Variants in PLXNC1 observed in about 807,000 individuals in gnomAD.
The protein encoded by PLXNC1 is plexin C1.
A neutral mutation model predicts 178.2 loss-of-function variants in PLXNC1; 75 were observed. That is an observed-to-expected ratio of 0.42 (90% CI 0.35 to 0.51). The LOEUF (loss-of-function observed/expected upper bound fraction) is 0.51. PLXNC1 is among the 20% of genes least tolerant of loss of function. PLXNC1 has a pLI of 0.02. For missense variants in PLXNC1, 1,503 were observed against 1,984.4 expected, an observed-to-expected ratio of 0.76 and a Z score of 4.61; for synonymous variants, 790 against 779.9, an observed-to-expected ratio of 1.01 and a Z score of -0.22.
At chr12:94,153,546 GAA>G (rs1249964882) in intron 1 of PLXNC1, among the ~76,000 whole-genome samples, 3 of 152,220 alleles carry the variant, frequency 2.0e-5, no homozygotes, top group African/African-American at 7.2e-5. Flanking sequence ...GTGATACACA[GAA>G]AGTGTTTGTG....
At chr12:94,169,928 G>T (rs1427462422) in intron 2 of PLXNC1, among the ~76,000 whole-genome samples, 1 of 152,188 alleles carries the variant, frequency 6.6e-6, no homozygotes, top group African/African-American at 2.4e-5. Flanking sequence ...AGGGGAAGAG[G>T]GGAGGAGGAG....
intron 5 of PLXNC1, among the ~76,000 whole-genome samples, chr12:94,212,389 A>G (rs1415479576): frequency 6.6e-6 from 1 of 151,928 alleles, no homozygotes; most frequent in Non-Finnish European, 1.5e-5. Flanking sequence ...GTTTTGTTAC[A>G]TAGGTATACA....
At chr12:94,254,363 A>G in intron 15 of PLXNC1, 1 of 370,708 alleles carries the variant, frequency 2.7e-6, no homozygotes, top group South Asian at 2.0e-5. Context: ...GTTCCTTTCT[A>G]CGTTTGCAGC....
At chr12:94,261,880 T>A (rs1050182951) in intron 20 of PLXNC1, among the ~76,000 whole-genome samples, 1 of 152,172 alleles carries the variant, frequency 6.6e-6, no homozygotes, top group Non-Finnish European at 1.5e-5. Flanking sequence ...ATTTTTTTTT[T>A]AATTTCTCAC....
chr12:94,172,287 G>A (rs551652280), intron 2 of PLXNC1, among the ~76,000 whole-genome samples: 4 of 152,254 alleles, frequency 2.6e-5, no homozygotes, highest in East Asian at 1.9e-4. Context: ...ATGAGTTGAC[G>A]GCATTTTGAC....
At chr12:94,194,709 G>A (rs1455154579) in intron 4 of PLXNC1, among the ~76,000 whole-genome samples, 1 of 152,188 alleles carries the variant, frequency 6.6e-6, no homozygotes, top group Non-Finnish European at 1.5e-5. Flanking sequence ...AGCCGTGATT[G>A]TACCACTGCA....
chr12:94,289,720 C>A (rs1174639762), intron 23 of PLXNC1, among the ~76,000 whole-genome samples: 1 of 152,192 alleles, frequency 6.6e-6, no homozygotes, highest in African/African-American at 2.4e-5. Context: ...AAAACGGAAA[C>A]CTTTCCCCCA....
intron 4 of PLXNC1, among the ~76,000 whole-genome samples, chr12:94,201,336 C>T (rs1446694765): frequency 6.6e-6 from 1 of 152,236 alleles, no homozygotes; most frequent in African/African-American, 2.4e-5. Flanking sequence ...GGCATCTGGT[C>T]AACCTCATTG....
Position 94,214,530 on chromosome 12 carries a change from C to T in PLXNC1, c.1554+4826C>T, listed in dbSNP as rs556463718. ...TATTATTTGAATTAAATATAAAAAA[C>T]ATTACTTACTCATCTTAAGTGGCTG... On this transcript the variant is annotated intron_variant, in intron 5 of 30. Coordinates refer to ENST00000258526, the MANE Select transcript of PLXNC1 (RefSeq NM_005761.3). 3.9e-5 allele frequency among the ~76,000 whole-genome samples: 6 copies of T among 152,282 alleles called. No individual in the cohort carries two copies. In the South Asian group the frequency reaches 6.2e-4, roughly 16 times the overall value.
intron 21 of PLXNC1, among the ~76,000 whole-genome samples, chr12:94,274,348 A>G (rs77945926): frequency 0.033 from 4,963 of 151,936 alleles, 170 homozygotes; most frequent in African/African-American, 0.083. Context: ...AAAGAAAGAA[A>G]GAAAACCCTT....
At chr12:94,240,391 G>A (rs1300748887) in intron 10 of PLXNC1, 94 bp from the exon 11 acceptor site, 2 of 938,286 alleles carry the variant, frequency 2.1e-6, no homozygotes, top group Non-Finnish European at 3.3e-6. Context: ...ATGAAGTGTT[G>A]TAGTTCAAGT....
At chr12:94,261,976 C>T (rs763860279) in intron 20 of PLXNC1, among the ~76,000 whole-genome samples, 4 of 152,104 alleles carry the variant, frequency 2.6e-5, no homozygotes, top group Non-Finnish European at 4.4e-5. Context: ...TATAAATCAT[C>T]GGAGGCTTTG....
In PLXNC1 at chr12:94,257,518, A is replaced by G. The variant is rs537293417; in HGVS notation, c.3088-1819A>G. Among the ~76,000 whole-genome samples the G allele has an allele frequency of 3.0e-4, 45 of 152,314 alleles. No individual in the cohort carries two copies. The South Asian group carries it at 8.7e-3, about 29-fold the overall frequency. On this transcript the variant is annotated intron_variant, in intron 17 of 30. Transcript: ENST00000258526. ...TCCAGGCGCGGTGGCTCAAGCCTGT[A>G]ATCCCAGCACTTTGGGAGGCCGAGG...
intron 28 of PLXNC1, 141 bp downstream of exon 28, chr12:94,301,198 T>C (rs1048694255): frequency 3.5e-6 from 2 of 567,020 alleles, no homozygotes; most frequent in Non-Finnish European, 5.7e-6. Flanking sequence ...GTCAATTTGC[T>C]GTTATTTAAA....
At chr12:94,253,469 G>A (rs149034985) in intron 15 of PLXNC1, among the ~76,000 whole-genome samples, 174 of 152,232 alleles carry the variant, frequency 1.1e-3, no homozygotes, top group African/African-American at 4.1e-3. Context: ...CTCAAACTGA[G>A]GCCTGAGGAA....
rs758310288 is a variant in PLXNC1, at chr12:94,237,699, A to G, written c.2016A>G (p.Val672=). ...TTAAGTCCATTGAGCCACAGAAAGT[A>G]TCGACATTAGGGAAAAGCAACGTGA... ...FYIKSIEPQK[V]STLGKSNVIV... The change falls in exon 10 of 31, where the codon GTA becomes GTG. Residue 672 remains valine (V), a synonymous_variant. Transcript: ENST00000258526. 18 of 1,613,912 alleles carry G rather than the reference A, an allele frequency of 1.1e-5. No individual in the cohort carries two copies. The East Asian group carries it at 1.3e-4, about 12-fold the overall frequency.
At chr12:94,276,225 C>G (rs1965947892) in intron 21 of PLXNC1, among the ~76,000 whole-genome samples, 1 of 152,142 alleles carries the variant, frequency 6.6e-6, no homozygotes, top group Non-Finnish European at 1.5e-5. Context: ...TAAAAGGTGC[C>G]TCCCATTCAT....
chr12:94,166,844 G>A (rs898941192), intron 1 of PLXNC1, among the ~76,000 whole-genome samples: 47 of 151,516 alleles, frequency 3.1e-4, no homozygotes, highest in African/African-American at 1.1e-3. Flanking sequence ...ATAGCTCACT[G>A]TAACCTGGAA....
Position 94,248,125 on chromosome 12 carries a change from T to G in PLXNC1, c.2592+19T>G. On this transcript the variant is annotated intron_variant, in intron 13 of 30. Transcript: ENST00000258526. ...AATTCAAGTATGTTTCTTTTCTTTCTGGGTGGGATGTCACCCCGACCCCTT... is the reference window on the plus strand; with the variant it reads ...AATTCAAGTATGTTTCTTTTCTTTCGGGGTGGGATGTCACCCCGACCCCTT... 6.2e-7 allele frequency: 1 copy of G among 1,610,292 alleles called. No homozygotes were observed. The highest frequency in any genetic ancestry group is 8.5e-7 in the Non-Finnish European group (1 of 1,176,574).
Sources: gnomAD v4.1 joint callset for allele counts (sites outside exome capture counted in the v4.1 genomes callset) on GRCh38, gnomAD v4.1.1 for gene constraint, MANE v1.5 for transcripts, NCBI Gene and HGNC (gene_info 2026-07-23, HGNC 2026-07-21) for gene names.